Variants in HS3ST5 observed in about 807,000 individuals in gnomAD.
HS3ST5 encodes heparan sulfate-glucosamine 3-sulfotransferase 5.
In HS3ST5, 10 loss-of-function variants were observed where a neutral mutation model predicts 25.4. That is an observed-to-expected ratio of 0.39 (90% CI 0.24 to 0.67). The LOEUF (loss-of-function observed/expected upper bound fraction) is 0.67, where lower values mean the gene tolerates loss of function less well. Ranked by LOEUF, HS3ST5 falls within the 30% of genes least tolerant of loss-of-function variation. HS3ST5 has a pLI of 0.44. For synonymous variants in HS3ST5, 170 were observed against 162.4 expected (o/e 1.05, Z -0.36); for missense variants, 324 against 420.7 (o/e 0.77, Z 2.01).
At chr6:114,325,328 A>T (rs895710164) in intron 1 of HS3ST5, among the ~76,000 whole-genome samples, 1 of 152,204 alleles carries the variant, frequency 6.6e-6, no homozygotes, top group African/African-American at 2.4e-5. Context: ...AGGCTGTTCC[A>T]GTTTAAAATA....
intron 2 of HS3ST5, among the ~76,000 whole-genome samples, chr6:114,207,659 G>C (rs1404333808): frequency 6.6e-6 from 1 of 151,856 alleles, no homozygotes; most frequent in Non-Finnish European, 1.5e-5. Flanking sequence ...TTGGACAAAA[G>C]ACTCCCCTGC....
chr6:114,226,016 C>G (rs937185626), intron 2 of HS3ST5, among the ~76,000 whole-genome samples: 2 of 151,916 alleles, frequency 1.3e-5, no homozygotes, highest in African/African-American at 4.8e-5. Context: ...GAGCTAATTA[C>G]TTTGGATTCA....
chr6:114,306,041 T>A (rs1352718516), intron 1 of HS3ST5, among the ~76,000 whole-genome samples: 1 of 152,018 alleles, frequency 6.6e-6, no homozygotes, highest in Non-Finnish European at 1.5e-5. Context: ...CCTGTACAAT[T>A]ACCATTGCAT....
At chr6:114,220,454 T>A (rs1781977994) in intron 2 of HS3ST5, among the ~76,000 whole-genome samples, 1 of 151,642 alleles carries the variant, frequency 6.6e-6, no homozygotes, top group Admixed American at 6.6e-5. Context: ...TTTCAAAGAG[T>A]TTTCAAATGA....
chr6:114,333,103 AAGGCTTATTAGG>A (rs1203391998), intron 1 of HS3ST5, among the ~76,000 whole-genome samples: 5 of 152,206 alleles, frequency 3.3e-5, no homozygotes, highest in African/African-American at 1.2e-4. Flanking sequence ...ATGGAGATCC[AAGGCTTATTAGG>A]AGGCTACTAT....
Position 114,057,086 on chromosome 6 carries a change from A to C in HS3ST5, c.*171T>G. The C allele has an allele frequency of 1.9e-6, 1 of 527,994 alleles. No homozygotes were observed. The highest frequency in any genetic ancestry group is 3.5e-5 in the Admixed American group (1 of 28,556). The allele number at this position is 527,994 out of a possible 1,614,324, so 32.7% of individuals were successfully genotyped here. ...AGACAGCAATTTTTTTTTTTTCGTA[A>C]ATTTTCAGTAGAAAAAGAACTGATC... On this transcript the variant is annotated 3_prime_UTR_variant, in exon 5 of 5. Transcript: ENST00000312719.
intron 1 of HS3ST5, among the ~76,000 whole-genome samples, chr6:114,306,814 A>G (rs1775316944): frequency 6.6e-6 from 1 of 152,220 alleles, no homozygotes; most frequent in Admixed American, 6.5e-5. Context: ...TTTCTGATCT[A>G]GCTAGAAATC....
chr6:114,291,796 T>TA (rs1263510169), intron 1 of HS3ST5, among the ~76,000 whole-genome samples: 2 of 152,208 alleles, frequency 1.3e-5, no homozygotes, highest in African/African-American at 4.8e-5. Context: ...CAGCTTAATG[T>TA]AAAGCTCTAG....
At chr6:114,232,675 A>C (rs780880712) in intron 1 of HS3ST5, among the ~76,000 whole-genome samples, 9 of 152,216 alleles carry the variant, frequency 5.9e-5, no homozygotes, top group Non-Finnish European at 1.0e-4. Flanking sequence ...CCAAGTCTTC[A>C]ACCCTTTAAA....
At chr6:114,243,937 G>C (rs190326020) in intron 1 of HS3ST5, among the ~76,000 whole-genome samples, 33 of 152,262 alleles carry the variant, frequency 2.2e-4, no homozygotes, top group African/African-American at 7.5e-4. Context: ...TGCCAAATTA[G>C]AATAGTGAGA....
chr6:114,284,208 C>T (rs1739972900), intron 1 of HS3ST5, among the ~76,000 whole-genome samples: 1 of 151,950 alleles, frequency 6.6e-6, no homozygotes. Context: ...AAGTTTAATA[C>T]TAAGTCTATT....
chr6:114,061,538 GAAGGAAAAGAAAACTGA>G (rs996702765), intron 4 of HS3ST5, among the ~76,000 whole-genome samples: 10 of 152,180 alleles, frequency 6.6e-5, no homozygotes, highest in Non-Finnish European at 1.2e-4. Flanking sequence ...TTAAATTTTG[GAAGGAAAAGAAAACTGA>G]AAGGAAAAGA....
intron 3 of HS3ST5, among the ~76,000 whole-genome samples, chr6:114,128,533 G>A (rs528131724): frequency 1.3e-5 from 2 of 152,180 alleles, no homozygotes; most frequent in East Asian, 1.9e-4. Context: ...TAGTAGAAAC[G>A]ATCTCAGAGA....
chr6:114,182,169 A>G (rs570788988), intron 2 of HS3ST5, among the ~76,000 whole-genome samples: 1 of 152,282 alleles, frequency 6.6e-6, no homozygotes, highest in East Asian at 1.9e-4. Context: ...TTAGTGTTTC[A>G]CATAATTATT....
At chr6:114,263,800 G>A (rs1773283285) in intron 1 of HS3ST5, among the ~76,000 whole-genome samples, 1 of 152,038 alleles carries the variant, frequency 6.6e-6, no homozygotes, top group East Asian at 1.9e-4. Context: ...ATTATGAAGA[G>A]AGATCTCTCC....
intron 3 of HS3ST5, chr6:114,084,829 TTTTC>T: frequency 4.7e-6 from 3 of 644,832 alleles, no homozygotes; most frequent in East Asian, 2.8e-5. Context: ...TTTTCTTTTC[TTTTC>T]TTTTTTTTTT....
chr6:114,233,820 T>A (rs1283542758), intron 1 of HS3ST5, among the ~76,000 whole-genome samples: 2 of 152,312 alleles, frequency 1.3e-5, no homozygotes, highest in East Asian at 3.9e-4. Flanking sequence ...CTTCAGAGAT[T>A]CAAAAGTAGG....
At chr6:114,330,173 G>T (rs972478856) in intron 1 of HS3ST5, among the ~76,000 whole-genome samples, 12 of 151,866 alleles carry the variant, frequency 7.9e-5, no homozygotes, top group Non-Finnish European at 1.5e-4. Context: ...CTCAAAAGAA[G>T]AAAGAACACA....
chr6:114,259,431 T>G (rs2114661325), intron 1 of HS3ST5, among the ~76,000 whole-genome samples: 1 of 152,326 alleles, frequency 6.6e-6, no homozygotes. Flanking sequence ...AGACTGTAAA[T>G]ACATAACACA....
Sources: gnomAD v4.1 joint callset for allele counts (sites outside exome capture counted in the v4.1 genomes callset) on GRCh38, gnomAD v4.1.1 for gene constraint, MANE v1.5 for transcripts, NCBI Gene and HGNC (gene_info 2026-07-23, HGNC 2026-07-21) for gene names.